AMZ2: variants seen among roughly 807,000 people sequenced by gnomAD.
AMZ2 encodes archaemetzincin-2.
In AMZ2, 26 loss-of-function variants were observed where a neutral mutation model predicts 36.7. That is an observed-to-expected ratio of 0.71 (90% CI 0.52 to 0.98). AMZ2 has a LOEUF of 0.98. Among genes scored for constraint, AMZ2 ranks in the 50% least tolerant of loss-of-function variants. The probability of loss-of-function intolerance (pLI) is 0.00; values close to 1 mark genes in which losing one functional copy is unlikely to be tolerated. For missense variants in AMZ2, 394 were observed against 430.5 expected (o/e 0.92, Z 0.75); for synonymous variants, 144 against 149.1 (o/e 0.97, Z 0.25).
chr17:68,207,467 TA>T (rs1469664952), intron 1 of AMZ2: 1 of 152,040 alleles, frequency 6.6e-6, no homozygotes, highest in African/African-American at 2.4e-5. Context: ...TTAAAAGCAT[TA>T]AAAAAATAAA....
chr17:68,257,001 A>G lies in AMZ2; in HGVS notation c.*32A>G, dbSNP rs3207202. On this transcript the variant is annotated 3_prime_UTR_variant, in exon 7 of 7. Coordinates refer to ENST00000359904, the MANE Select transcript of AMZ2 (RefSeq NM_016627.5). The stretch of plus-strand genomic sequence containing the variant: ...TCAAATAGGAGTGATTGAAATAAAT[A>G]ACTACTTGCATGTTATGCTTTCATT... The G allele has an allele frequency of 2.5e-6, 4 of 1,600,720 alleles. No individual in the cohort carries two copies. Among genetic ancestry groups the G allele is most frequent in the South Asian group, 1.1e-5 (1 of 89,904 alleles).
At position 68,251,150 on chromosome 17, in the gene AMZ2, T is replaced by C; in HGVS notation, c.558T>C (p.Phe186=). 1 of 1,613,872 alleles carries C rather than the reference T, an allele frequency of 6.2e-7. No individual in the cohort carries two copies. Residue 186 remains phenylalanine, a synonymous_variant, in exon 4 of 7, where the codon TTT becomes TTC. Transcript: ENST00000359904. ...TTTACCCAAGAGACTCGTGGAATTT[T>C]GTCTTTGGACAGGCCTCTTTGACAG... is the stretch of plus-strand genomic sequence containing the variant. ...IDLYPRDSWN[F]VFGQASLTDG... is the part of the protein sequence containing the mutation.
intron 1 of AMZ2, among the ~76,000 whole-genome samples, chr17:68,227,941 G>A (rs529397402): frequency 1.4e-4 from 21 of 152,256 alleles, no homozygotes; most frequent in Admixed American, 1.4e-3. Context: ...AAAGACCCTT[G>A]TATTCACAGG....
intron 1 of AMZ2, among the ~76,000 whole-genome samples, chr17:68,228,551 G>A (rs1375716199): frequency 1.3e-5 from 2 of 152,174 alleles, no homozygotes; most frequent in East Asian, 1.9e-4. Flanking sequence ...CGGAAGCCTC[G>A]TGGGCCTTCT....
chr17:68,248,753 A>G (rs2074212649), intron 1 of AMZ2, 48 bp downstream of exon 1: 10 of 995,254 alleles, frequency 1.0e-5, no homozygotes, highest in Non-Finnish European at 1.2e-5. Context: ...TTTGTCCTGT[A>G]GAAGTCAGAT....
At chr17:68,208,721 TC>T (rs1170245909) in intron 1 of AMZ2, among the ~76,000 whole-genome samples, 1 of 152,148 alleles carries the variant, frequency 6.6e-6, no homozygotes, top group African/African-American at 2.4e-5. Flanking sequence ...GCTGTAATAC[TC>T]ACCGCGACGG....
intron 4 of AMZ2, among the ~76,000 whole-genome samples, chr17:68,253,643 T>C (rs1168781055): frequency 1.3e-5 from 2 of 152,188 alleles, no homozygotes; most frequent in African/African-American, 4.8e-5. Context: ...TCAGGGGCAG[T>C]TGTCCTCAGT....
chr17:68,255,961 GTTATAA>G, intron 6 of AMZ2, 85 bp downstream of exon 6: 1 of 1,359,018 alleles, frequency 7.4e-7, no homozygotes, highest in Non-Finnish European at 9.9e-7. Context: ...CTTCTCTGGA[GTTATAA>G]TTTATCAGAG....
intron 1 of AMZ2, among the ~76,000 whole-genome samples, chr17:68,229,244 C>T (rs532558295): frequency 2.6e-5 from 4 of 152,298 alleles, no homozygotes; most frequent in South Asian, 2.1e-4. Flanking sequence ...CCACCTCAAA[C>T]GCAGCCCCCC....
intron 1 of AMZ2, 116 bp downstream of exon 1, chr17:68,248,821 A>G: frequency 1.0e-6 from 1 of 956,160 alleles, no homozygotes; most frequent in South Asian, 5.0e-5. Context: ...AGCTTTGAGT[A>G]CAGAGACATT....
rs1286710557 is a variant in AMZ2, at chr17:68,251,374, A to G, written c.586+196A>G. The stretch of plus-strand genomic sequence containing the variant: ...GGTTCTGGTTGGCCACTCACTACCT[A>G]CAGGACCTTAAAGGTAACAATACCC... On this transcript the variant is annotated intron_variant, in intron 4 of 6. Transcript: ENST00000359904. The G allele has an allele frequency of 4.6e-5, 25 of 546,254 alleles. 1 individual carries two copies. Among genetic ancestry groups the G allele is most frequent in the African/African-American group, 2.3e-4 (12 of 51,536 alleles). The allele number at this position is 546,254 out of a possible 1,614,324, so 33.8% of individuals were successfully genotyped here. A position where few individuals can be genotyped will look rare whatever the true frequency, so the allele number is the denominator to read the frequency against.
intron 1 of AMZ2, among the ~76,000 whole-genome samples, chr17:68,210,241 G>T (rs2073002115): frequency 6.6e-6 from 1 of 152,166 alleles, no homozygotes; most frequent in Admixed American, 6.5e-5. Flanking sequence ...ATACACATAT[G>T]TATACAGCAG....
intron 1 of AMZ2, among the ~76,000 whole-genome samples, chr17:68,221,757 C>T (rs570347141): frequency 3.3e-5 from 5 of 151,580 alleles, no homozygotes; most frequent in Admixed American, 2.0e-4. Flanking sequence ...ATTAGCCGGG[C>T]ATGGCACATG....
chr17:68,250,977 A>G lies in AMZ2; in HGVS notation c.457+10A>G. The stretch of plus-strand genomic sequence containing the variant: ...CTACAAATTCATGCAGGTGAATTAC[A>G]CGACTTTGCAATTCGAACTGAGTAT... On this transcript the variant is annotated intron_variant, in intron 3 of 6. Transcript: ENST00000359904. 1.2e-6 allele frequency: 2 copies of G among 1,611,920 alleles called. No individual in the cohort carries two copies. Among genetic ancestry groups the G allele is most frequent in the Non-Finnish European group, 1.7e-6 (2 of 1,179,500 alleles).
At chr17:68,230,745 G>C (rs1300631697) in intron 1 of AMZ2, among the ~76,000 whole-genome samples, 2 of 152,134 alleles carry the variant, frequency 1.3e-5, no homozygotes, top group Non-Finnish European at 2.9e-5. Flanking sequence ...CTCTCATGCT[G>C]CTTACCCCTT....
At chr17:68,215,795 T>C (rs1447681149) in intron 1 of AMZ2, among the ~76,000 whole-genome samples, 2 of 150,160 alleles carry the variant, frequency 1.3e-5, no homozygotes, top group African/African-American at 4.9e-5. Flanking sequence ...TGTGCCTTCC[T>C]TTCTGTGCTG....
At chr17:68,223,303 T>G (rs2073416361) in intron 1 of AMZ2, among the ~76,000 whole-genome samples, 1 of 152,042 alleles carries the variant, frequency 6.6e-6, no homozygotes, top group African/African-American at 2.4e-5. Flanking sequence ...CATGAAGGAC[T>G]GAGTTATGCT....
chr17:68,208,826 C>T (rs1242940176), intron 1 of AMZ2, among the ~76,000 whole-genome samples: 8 of 151,940 alleles, frequency 5.3e-5, no homozygotes, highest in Non-Finnish European at 8.8e-5. Context: ...GTAACACTCA[C>T]CTGGAAGGTC....
intron 1 of AMZ2, among the ~76,000 whole-genome samples, chr17:68,221,113 C>T (rs1490334462): frequency 2.6e-5 from 4 of 151,270 alleles, no homozygotes; most frequent in Admixed American, 2.0e-4. Flanking sequence ...GGCAGAGTCT[C>T]GCTCTGTCAC....
Sources: allele counts gnomAD v4.1 joint callset (sites outside exome capture counted in the v4.1 genomes callset), GRCh38; gene constraint gnomAD v4.1.1; transcripts MANE v1.5; gene names NCBI Gene and HGNC (gene_info 2026-07-23, HGNC 2026-07-21).